The following AR variants were observed in gnomAD, a reference collection of about 807,000 sequenced individuals.
The protein encoded by AR is androgen receptor, also known as dihydrotestosterone receptor.
AR carries 8 observed loss-of-function variants against 53.9 expected under a neutral mutation model. That is an observed-to-expected ratio of 0.15 (90% CI 0.09 to 0.27). The LOEUF (loss-of-function observed/expected upper bound fraction) is 0.27. AR is among the 10% of genes least tolerant of loss of function. The probability of loss-of-function intolerance (pLI) is 1.00; values close to 1 mark genes in which losing one functional copy is unlikely to be tolerated. For missense variants in AR, 639 were observed against 742.5 expected, an observed-to-expected ratio of 0.86 and a Z score of 1.62; for synonymous variants, 359 against 316.4, an observed-to-expected ratio of 1.13 and a Z score of -1.43.
intron 1 of AR, among the ~76,000 whole-genome samples, chrX:67,628,158 T>C (rs1277046255): frequency 5.4e-5 from 6 of 111,150 alleles, no homozygotes; most frequent in South Asian, 3.9e-4. Flanking sequence ...AAGTAGTTTT[T>C]TCCAATTCTG....
chrX:67,559,109 A>G (rs1921185912), intron 1 of AR, among the ~76,000 whole-genome samples: 1 of 112,354 alleles, frequency 8.9e-6, no homozygotes, highest in African/African-American at 3.2e-5. Flanking sequence ...TCATATCCTT[A>G]ATATGCACCA....
intron 1 of AR, among the ~76,000 whole-genome samples, chrX:67,554,901 A>C (rs1405787025): frequency 2.0e-5 from 2 of 99,610 alleles, no homozygotes; most frequent in Non-Finnish European, 4.0e-5. Flanking sequence ...ATGCCACTGC[A>C]CTCCAGGCTC....
intron 1 of AR, among the ~76,000 whole-genome samples, chrX:67,569,886 C>G (rs771363838): frequency 1.8e-5 from 2 of 111,161 alleles, no homozygotes; most frequent in South Asian, 7.7e-4. Context: ...CCTATTGTCC[C>G]CATCTCCATG....
intron 3 of AR, chrX:67,689,627 T>G (rs1569306864): frequency 3.2e-6 from 3 of 948,900 alleles, no homozygotes; most frequent in Admixed American, 6.5e-5. Context: ...AAGACTACCT[T>G]CAGACTCTCA....
chrX:67,664,986 G>C (rs946047018), intron 2 of AR, among the ~76,000 whole-genome samples: 1 of 112,814 alleles, frequency 8.9e-6, no homozygotes, highest in Admixed American at 9.3e-5. Flanking sequence ...TATGGTGGGA[G>C]TGACCCGATT....
At chrX:67,713,858 G>T (rs2076102976) in intron 4 of AR, among the ~76,000 whole-genome samples, 1 of 111,627 alleles carries the variant, frequency 9.0e-6, no homozygotes, top group Admixed American at 9.5e-5. Context: ...CAGACTAAAT[G>T]ATTTCTGACC....
chrX:67,706,485 G>T (rs777770658), intron 3 of AR, among the ~76,000 whole-genome samples: 4 of 111,557 alleles, frequency 3.6e-5, no homozygotes, highest in Admixed American at 9.5e-5. Flanking sequence ...TGTGGGATCG[G>T]TGGTGATCTC....
At chrX:67,628,014 G>C (rs1481455640) in intron 1 of AR, among the ~76,000 whole-genome samples, 1 of 111,734 alleles carries the variant, frequency 8.9e-6, no homozygotes, top group Non-Finnish European at 1.9e-5. Flanking sequence ...TTTGGTACCA[G>C]TACCATGCTG....
chrX:67,667,838 T>C (rs965140782), intron 2 of AR, among the ~76,000 whole-genome samples: 1 of 111,264 alleles, frequency 9.0e-6, no homozygotes, highest in Admixed American at 9.6e-5. Context: ...GACAATGGGA[T>C]TGCTTTCTTG....
chrX:67,648,642 T>A (rs1569294533), intron 2 of AR, among the ~76,000 whole-genome samples: 1 of 112,335 alleles, frequency 8.9e-6, no homozygotes, highest in East Asian at 2.8e-4. Flanking sequence ...TCTCTGTCAG[T>A]GCCCAATTCG....
At chrX:67,698,428 C>CAGGGCAA (rs1334676205) in intron 3 of AR, among the ~76,000 whole-genome samples, 2 of 112,946 alleles carry the variant, frequency 1.8e-5, no homozygotes, top group Non-Finnish European at 3.7e-5. Flanking sequence ...TGCCCCTAGG[C>CAGGGCAA]AGGGCATCAA....
At chrX:67,627,207 C>A (rs1924717273) in intron 1 of AR, among the ~76,000 whole-genome samples, 1 of 111,620 alleles carries the variant, frequency 9.0e-6, no homozygotes, top group Admixed American at 9.5e-5. Flanking sequence ...AATCACCACA[C>A]TGACTTCCAC....
At chrX:67,614,273 A>G (rs1389052917) in intron 1 of AR, among the ~76,000 whole-genome samples, 7 of 111,951 alleles carry the variant, frequency 6.3e-5, no homozygotes, top group African/African-American at 2.3e-4. Flanking sequence ...ATGCCAACCC[A>G]TATCCGAGCC....
intron 4 of AR, among the ~76,000 whole-genome samples, chrX:67,716,777 G>A (rs978039542): frequency 1.8e-5 from 2 of 111,968 alleles, no homozygotes; most frequent in Non-Finnish European, 3.8e-5. Flanking sequence ...TGTTAGAAGG[G>A]TCAAACCAGA....
chrX:67,696,158 T>C (rs765785133), intron 3 of AR: 3 of 739,230 alleles, frequency 4.1e-6, no homozygotes, highest in South Asian at 7.0e-5. Context: ...TTTTCCTTTT[T>C]TTTCTCTCTC....
intron 3 of AR, among the ~76,000 whole-genome samples, chrX:67,692,052 C>T (rs185375270): frequency 9.6e-4 from 108 of 112,277 alleles, no homozygotes; most frequent in African/African-American, 2.5e-3. Context: ...TATACACTGT[C>T]TGACCAACAT....
intron 1 of AR, among the ~76,000 whole-genome samples, chrX:67,595,041 A>G (rs1347229198): frequency 9.0e-6 from 1 of 111,723 alleles, no homozygotes; most frequent in African/African-American, 3.3e-5. Context: ...AAGATTCTGA[A>G]GGAAGACAGT....
rs746933282 is a variant in AR at position 67,664,826 on chromosome X, TC to T, written c.1769-21179del. Among the ~76,000 whole-genome samples, 5 of 112,108 alleles carry T rather than the reference TC, an allele frequency of 4.5e-5. No homozygotes were observed. In the East Asian group the frequency reaches 1.4e-3, roughly 32 times the overall value. ...AAGCTTCAGCAATGGCGGGCACCCC[TC>T]CCCCAGCCTCGCTGCTGCCTTGCAG... On this transcript the variant is annotated intron_variant, in intron 2 of 7. Coordinates refer to ENST00000374690, the MANE Select transcript of AR (RefSeq NM_000044.6).
intron 2 of AR, among the ~76,000 whole-genome samples, chrX:67,675,050 C>A (rs778725664): frequency 9.1e-6 from 1 of 110,460 alleles, no homozygotes; most frequent in Non-Finnish European, 1.9e-5. Flanking sequence ...TCAAGGCAGC[C>A]GGTTTCTTTC....
Sources: gnomAD v4.1 joint callset for allele counts (sites outside exome capture counted in the v4.1 genomes callset) on GRCh38, gnomAD v4.1.1 for gene constraint, MANE v1.5 for transcripts, NCBI Gene and HGNC (gene_info 2026-07-23, HGNC 2026-07-21) for gene names.